IL1RAPL1: variants seen among roughly 807,000 people sequenced by gnomAD.
The protein encoded by IL1RAPL1 is interleukin 1 receptor accessory protein like 1, also known as interleukin-1 receptor accessory protein-like 1.
A neutral mutation model predicts 48.4 loss-of-function variants in IL1RAPL1; 3 were observed. The observed-to-expected ratio is 0.06, with a 90% CI of 0.03 to 0.16. The LOEUF (loss-of-function observed/expected upper bound fraction) is 0.16, where lower values mean the gene tolerates loss of function less well. Ranked by LOEUF, IL1RAPL1 falls within the 10% of genes least tolerant of loss-of-function variation. IL1RAPL1 has a pLI of 1.00. For synonymous variants in IL1RAPL1, 185 were observed against 187.7 expected, an observed-to-expected ratio of 0.99 and a Z score of 0.12; for missense variants, 349 against 530.6, an observed-to-expected ratio of 0.66 and a Z score of 3.36.
chrX:29,635,750 A>G (rs1924947758), intron 5 of IL1RAPL1, among the ~76,000 whole-genome samples: 2 of 110,187 alleles, frequency 1.8e-5, no homozygotes, highest in Admixed American at 9.7e-5. Context: ...AGTGAATTCA[A>G]TCATTAGTAA....
At chrX:29,213,244 C>T (rs760500440) in intron 2 of IL1RAPL1, among the ~76,000 whole-genome samples, 3 of 111,657 alleles carry the variant, frequency 2.7e-5, no homozygotes, top group Middle Eastern at 4.7e-3. Context: ...GTGATCTGCC[C>T]GCCTCAGCCT....
chrX:29,462,652 C>G (rs745546979), intron 5 of IL1RAPL1, among the ~76,000 whole-genome samples: 1 of 111,575 alleles, frequency 9.0e-6, no homozygotes, highest in African/African-American at 3.3e-5. Context: ...GCAAATCCAG[C>G]TGGTGAAGAC....
At chrX:29,171,479 G>A (rs958191150) in intron 2 of IL1RAPL1, among the ~76,000 whole-genome samples, 3 of 111,438 alleles carry the variant, frequency 2.7e-5, no homozygotes, top group African/African-American at 9.8e-5. Context: ...ATTCAAACAT[G>A]AGTCATGTAC....
At position 29,769,246 on chromosome X, in the gene IL1RAPL1, A is replaced by T. The variant is rs1928988698; in HGVS notation, c.778+100742A>T. On this transcript the variant is annotated intron_variant, in intron 6 of 10. Coordinates refer to ENST00000378993, the MANE Select transcript of IL1RAPL1 (RefSeq NM_014271.4). ...TGTATAATATTCCATTATATTCCAC[A>T]TTTTATTTATCCATTTACCAATTGA... Among the ~76,000 whole-genome samples the T allele has an allele frequency of 2.7e-5, 3 of 109,954 alleles. No individual in the cohort carries two copies. In the South Asian group the frequency reaches 1.2e-3, roughly 43 times the overall value.
chrX:29,199,938 C>T (rs1930521707), intron 2 of IL1RAPL1, among the ~76,000 whole-genome samples: 1 of 111,699 alleles, frequency 9.0e-6, no homozygotes, highest in Non-Finnish European at 1.9e-5. Context: ...ATCATATGTA[C>T]CAAGTTCTAC....
chrX:29,707,279 A>T (rs1601788720), intron 6 of IL1RAPL1, among the ~76,000 whole-genome samples: 4 of 107,516 alleles, frequency 3.7e-5, no homozygotes, highest in East Asian at 3.0e-4. Context: ...ACAAAAAAAT[A>T]AAAAAAAAAT....
At chrX:29,837,052 G>A (rs1053076159) in intron 6 of IL1RAPL1, among the ~76,000 whole-genome samples, 2 of 108,176 alleles carry the variant, frequency 1.8e-5, no homozygotes, top group East Asian at 5.8e-4. Context: ...GAGGTCAGGA[G>A]ATGGAGACCA....
intron 6 of IL1RAPL1, among the ~76,000 whole-genome samples, chrX:29,859,575 A>G (rs775308933): frequency 4.5e-5 from 5 of 112,299 alleles, no homozygotes; most frequent in Admixed American, 1.9e-4. Context: ...AATTATTTTC[A>G]TACACCTTTG....
intron 6 of IL1RAPL1, among the ~76,000 whole-genome samples, chrX:29,802,708 A>T (rs1291940785): frequency 3.2e-5 from 3 of 93,891 alleles, no homozygotes; most frequent in East Asian, 6.8e-4. Context: ...TTGTGTTTGG[A>T]TGTATCCTAA....
intron 2 of IL1RAPL1, among the ~76,000 whole-genome samples, chrX:28,952,920 A>C (rs2147356453): frequency 9.0e-6 from 1 of 111,661 alleles, no homozygotes; most frequent in Non-Finnish European, 1.9e-5. Context: ...GATAAAACTG[A>C]ATTTATTTTT....
At chrX:29,089,268 G>A (rs1000844204) in intron 2 of IL1RAPL1, among the ~76,000 whole-genome samples, 4 of 111,054 alleles carry the variant, frequency 3.6e-5, no homozygotes, top group African/African-American at 1.3e-4. Context: ...GAATAAAAAA[G>A]TATACATTTA....
intron 2 of IL1RAPL1, among the ~76,000 whole-genome samples, chrX:28,892,023 A>G (rs1922783125): frequency 8.9e-6 from 1 of 111,750 alleles, no homozygotes; most frequent in Admixed American, 9.6e-5. Context: ...TCTTCTGTGG[A>G]GATATAAATC....
chrX:28,753,555 G>A (rs941879977), intron 1 of IL1RAPL1, among the ~76,000 whole-genome samples: 2 of 112,114 alleles, frequency 1.8e-5, no homozygotes, highest in Middle Eastern at 4.2e-3. Context: ...GTATAATCTT[G>A]ATTCTCACAT....
At chrX:28,708,636 A>G (rs1454662472) in intron 1 of IL1RAPL1, among the ~76,000 whole-genome samples, 1 of 111,997 alleles carries the variant, frequency 8.9e-6, no homozygotes, top group African/African-American at 3.2e-5. Flanking sequence ...GGTATAAAAA[A>G]GAATGAAATA....
At chrX:29,818,885 C>G (rs1930550857) in intron 6 of IL1RAPL1, among the ~76,000 whole-genome samples, 1 of 112,213 alleles carries the variant, frequency 8.9e-6, no homozygotes, top group Non-Finnish European at 1.9e-5. Context: ...AATATCTTAA[C>G]TAGTGCGAAC....
chrX:28,905,175 A>G (rs1467419850), intron 2 of IL1RAPL1, among the ~76,000 whole-genome samples: 2 of 111,482 alleles, frequency 1.8e-5, no homozygotes, highest in East Asian at 5.6e-4. Flanking sequence ...ATCATTTTCT[A>G]TGCATTATTA....
intron 2 of IL1RAPL1, among the ~76,000 whole-genome samples, chrX:29,196,868 ACTATT>A (rs1401657222): frequency 9.1e-6 from 1 of 110,329 alleles, no homozygotes; most frequent in Non-Finnish European, 1.9e-5. Context: ...ATAATACTAT[ACTATT>A]ATATTAATAT....
chrX:28,760,030 A>G (rs191308668), intron 1 of IL1RAPL1, among the ~76,000 whole-genome samples: 2 of 112,332 alleles, frequency 1.8e-5, no homozygotes, highest in East Asian at 5.6e-4. Flanking sequence ...AAATTGATAA[A>G]AGAAAAAAGT....
At chrX:29,149,757 C>T (rs1322573339) in intron 2 of IL1RAPL1, among the ~76,000 whole-genome samples, 1 of 111,869 alleles carries the variant, frequency 8.9e-6, no homozygotes, top group Non-Finnish European at 1.9e-5. Flanking sequence ...CCCTTACACT[C>T]AATCCCAGAA....
Sources: gnomAD v4.1 joint callset for allele counts (sites outside exome capture counted in the v4.1 genomes callset) on GRCh38, gnomAD v4.1.1 for gene constraint, MANE v1.5 for transcripts, NCBI Gene and HGNC (gene_info 2026-07-23, HGNC 2026-07-21) for gene names.